The following TUBB3 variants were observed in gnomAD, a reference collection of about 807,000 sequenced individuals.
TUBB3 encodes tubulin beta 3 class III.
TUBB3 carries 17 observed loss-of-function variants against 37.8 expected under a neutral mutation model. That is an observed-to-expected ratio of 0.45 (90% CI 0.31 to 0.67). The LOEUF (loss-of-function observed/expected upper bound fraction) is 0.67, where lower values mean the gene tolerates loss of function less well. TUBB3 is among the 30% of genes least tolerant of loss of function. The probability of loss-of-function intolerance (pLI) is 0.07; values close to 1 mark genes in which losing one functional copy is unlikely to be tolerated. For synonymous variants in TUBB3, 332 were observed against 278.9 expected, an observed-to-expected ratio of 1.19 and a Z score of -1.90; for missense variants, 262 against 657.9, an observed-to-expected ratio of 0.40 and a Z score of 6.58.
At chr16:89,933,440 G>A (rs757879650) in intron 2 of TUBB3, 28 bp from the exon 3 acceptor site, 36 of 1,574,990 alleles carry the variant, frequency 2.3e-5, no homozygotes, top group Middle Eastern at 3.3e-4. Flanking sequence ...TCTGTGACCC[G>A]AATCACCGAG....
At position 89,935,282 on chromosome 16, in the gene TUBB3, C is replaced by A. The variant is rs2030416310; in HGVS notation, c.831C>A (p.Gly277=). 3.7e-6 allele frequency: 6 copies of A among 1,613,574 alleles called. No homozygotes were observed. Among genetic ancestry groups the A allele is most frequent in the African/African-American group, 2.7e-5 (2 of 74,946 alleles). The change falls in exon 4 of 4, where the codon GGC becomes GGA. Residue 277 remains glycine, a synonymous_variant. Coordinates refer to ENST00000315491, the MANE Select transcript of TUBB3 (RefSeq NM_006086.4). ...MPGFAPLTAR[G]SQQYRALTVP... ...GCTTCGCCCCCCTCACAGCCCGGGG[C>A]AGCCAGCAGTACCGGGCCCTGACCG...
chr16:89,925,982 C>T (rs1371042904), intron 1 of TUBB3, among the ~76,000 whole-genome samples: 1 of 152,178 alleles, frequency 6.6e-6, no homozygotes. Flanking sequence ...CCGGGCGCAG[C>T]CCGCCGGGAG....
chr16:89,928,387 C>G (rs2030160651), intron 1 of TUBB3, among the ~76,000 whole-genome samples: 1 of 151,690 alleles, frequency 6.6e-6, no homozygotes, highest in South Asian at 2.1e-4. Context: ...GAGATGGAGT[C>G]TCACTCTGTC....
intron 1 of TUBB3, chr16:89,932,128 T>G (rs2030300927): frequency 3.2e-6 from 1 of 309,472 alleles, no homozygotes; most frequent in African/African-American, 2.2e-5. Context: ...GATCCTGAGC[T>G]CTGGGCCTCT....
chr16:89,925,166 C>G (rs1364282936), intron 1 of TUBB3, among the ~76,000 whole-genome samples: 1 of 152,182 alleles, frequency 6.6e-6, no homozygotes, highest in African/African-American at 2.4e-5. Context: ...GCAGAGGGAG[C>G]CCTTGTCCCC....
At chr16:89,932,546 C>T (rs764167968) in intron 1 of TUBB3, 25 bp from the exon 2 acceptor site, 2 of 1,602,212 alleles carry the variant, frequency 1.2e-6, no homozygotes, top group African/African-American at 2.7e-5. Context: ...CGGTGCCGAC[C>T]CCCCCTCTCC....
At position 89,933,207 on chromosome 16, in the gene TUBB3, C is replaced by G. The variant is rs572845915; in HGVS notation, c.167-261C>G. 1,109 of 677,494 alleles carry G rather than the reference C, an allele frequency of 1.6e-3. 28 individuals carry two copies. The highest frequency in any genetic ancestry group is 0.016 in the South Asian group (1,072 of 66,600). 42.0% of individuals were successfully genotyped at this position (677,494 alleles called of 1,614,324 possible). A position where few individuals can be genotyped will look rare whatever the true frequency, so the allele number is the denominator to read the frequency against. On this transcript the variant is annotated intron_variant, in intron 2 of 3. Coordinates refer to ENST00000315491, the MANE Select transcript of TUBB3 (RefSeq NM_006086.4). ...CCTCCCAAAGTGTTGGGAGTGCAGA[C>G]ACGAGCCCCTGCATCTGGTGGACGT... is the stretch of plus-strand genomic sequence containing the variant.
chr16:89,934,401 C>T, intron 3 of TUBB3: 1 of 530,576 alleles, frequency 1.9e-6, no homozygotes, highest in Non-Finnish European at 3.6e-6. Flanking sequence ...GCTGTTTGGG[C>T]TCCTGGCACT....
chr16:89,935,369 C>A lies in TUBB3; in HGVS notation c.918C>A (p.Arg306=), dbSNP rs1597425037. 6.2e-7 allele frequency: 1 copy of A among 1,614,000 alleles called. No individual in the cohort carries two copies. The highest frequency in any genetic ancestry group is 1.3e-5 in the African/African-American group (1 of 74,954). ...ACATGATGGCCGCCTGCGACCCGCGCCACGGCCGCTACCTGACGGTGGCCA... is the reference window on the plus strand; with the variant it reads ...ACATGATGGCCGCCTGCGACCCGCGACACGGCCGCTACCTGACGGTGGCCA... ...AKNMMAACDP[R]HGRYLTVATV... The change falls in exon 4 of 4, where the codon CGC becomes CGA. Residue 306 remains arginine, a synonymous_variant. Coordinates refer to ENST00000315491, the MANE Select transcript of TUBB3 (RefSeq NM_006086.4).
At chr16:89,932,212 G>T (rs982397212) in intron 1 of TUBB3, 1 of 355,926 alleles carries the variant, frequency 2.8e-6, no homozygotes. Context: ...GAAAAGAGGG[G>T]ATAGTAAAAA....
intron 1 of TUBB3, among the ~76,000 whole-genome samples, chr16:89,925,010 G>A (rs1158525497): frequency 6.6e-6 from 1 of 151,902 alleles, no homozygotes; most frequent in Non-Finnish European, 1.5e-5. Context: ...GAGAGGGAGG[G>A]CAGGCAGCCC....
chr16:89,923,278 T>G, upstream of TUBB3: 1 of 723,986 alleles, frequency 1.4e-6, no homozygotes, highest in Non-Finnish European at 1.9e-6. Context: ...CCACCCGCGG[T>G]GACATCAGCC....
At chr16:89,933,644 G>C in intron 3 of TUBB3, 66 bp downstream of exon 3, 8 of 1,244,628 alleles carry the variant, frequency 6.4e-6, no homozygotes, top group Non-Finnish European at 8.3e-6. Context: ...GTCGGTGGAC[G>C]GGGACGGCTG....
At chr16:89,927,738 C>G (rs2030136424) in intron 1 of TUBB3, among the ~76,000 whole-genome samples, 1 of 152,230 alleles carries the variant, frequency 6.6e-6, no homozygotes, top group Non-Finnish European at 1.5e-5. Flanking sequence ...GATGAGAAAA[C>G]AGGTCCTGCG....
chr16:89,926,950 C>T (rs1284366493), intron 1 of TUBB3, among the ~76,000 whole-genome samples: 1 of 152,054 alleles, frequency 6.6e-6, no homozygotes. Context: ...CTCCTGACCT[C>T]AGGTGATTCA....
intron 3 of TUBB3, chr16:89,934,467 C>T (rs1484074606): frequency 4.8e-6 from 3 of 624,752 alleles, no homozygotes; most frequent in African/African-American, 1.8e-5. Context: ...CACCCAGGAT[C>T]CCCTCAGGAG....
chr16:89,934,303 G>A (rs372436840), intron 3 of TUBB3: 7 of 473,620 alleles, frequency 1.5e-5, no homozygotes, highest in Admixed American at 2.3e-5. Context: ...GGAGGGCCTC[G>A]CTTCACTTCT....
At chr16:89,932,272 G>C (rs2030304990) in intron 1 of TUBB3, among the ~76,000 whole-genome samples, 1 of 152,254 alleles carries the variant, frequency 6.6e-6, no homozygotes, top group Non-Finnish European at 1.5e-5. Context: ...GGAATCCGCT[G>C]CTCCAGGCCC....
chr16:89,932,235 G>T (rs996648478), intron 1 of TUBB3: 5 of 400,706 alleles, frequency 1.2e-5, no homozygotes, highest in African/African-American at 4.1e-5. Context: ...AACCCTCAAG[G>T]TGTTTATTAC....
Sources: gnomAD v4.1 joint callset for allele counts (sites outside exome capture counted in the v4.1 genomes callset) on GRCh38, gnomAD v4.1.1 for gene constraint, MANE v1.5 for transcripts, NCBI Gene and HGNC (gene_info 2026-07-23, HGNC 2026-07-21) for gene names.